CILK1: variants seen among roughly 807,000 people sequenced by gnomAD.
CILK1 encodes ciliogenesis associated kinase 1.
CILK1 carries 47 observed loss-of-function variants against 79.2 expected under a neutral mutation model. The ratio of observed to expected loss-of-function variants is 0.59; its 90% CI spans 0.47 to 0.76. The LOEUF is 0.76. Among genes scored for constraint, CILK1 ranks in the 30% least tolerant of loss-of-function variants. The pLI is 0.00. For synonymous variants in CILK1, 266 were observed against 275.9 expected, an observed-to-expected ratio of 0.96 and a Z score of 0.36; for missense variants, 660 against 769.5, an observed-to-expected ratio of 0.86 and a Z score of 1.68.
intron 12 of CILK1, 94 bp downstream of exon 12, chr6:53,009,345 G>A (rs1764422241): frequency 8.2e-7 from 1 of 1,215,598 alleles, no homozygotes; most frequent in African/African-American, 1.5e-5. Context: ...AGGCCCCTGT[G>A]CTTCCAAAGC....
rs1202734703 is a variant in CILK1 at position 53,009,469 on chromosome 6, T to C, written c.1591A>G (p.Thr531Ala). The C allele has an allele frequency of 6.2e-7, 1 of 1,614,096 alleles. No homozygotes were observed. The highest frequency in any genetic ancestry group is 8.5e-7 in the Non-Finnish European group (1 of 1,179,930). Reference protein sequence around the residue: ...SSGLSGKSSGTMSVISKVNSV... With the variant: ...SSGLSGKSSGAMSVISKVNSV... ...TTTACTTTGCTGATTACTGACATTGTCCCTGAAGATTTTCCAGACAAGCCA... is the reference window on the plus strand; with the variant it reads ...TTTACTTTGCTGATTACTGACATTGCCCCTGAAGATTTTCCAGACAAGCCA... The change falls in exon 12 of 14, where the codon ACA becomes GCA. Residue 531 changes from threonine to alanine, a missense_variant. By Grantham distance (58) the Thr-to-Ala change is moderately conservative. Coordinates refer to ENST00000676107, the MANE Select transcript of CILK1 (RefSeq NM_014920.5).
At chr6:53,061,016 T>C (rs1768402476) in intron 1 of CILK1, 1 of 152,234 alleles carries the variant, frequency 6.6e-6, no homozygotes, top group Non-Finnish European at 1.5e-5. Context: ...GCAGGTCTTA[T>C]TTAGTTGTAA....
intron 5 of CILK1, among the ~76,000 whole-genome samples, chr6:53,020,060 C>A (rs1485715691): frequency 6.6e-6 from 1 of 152,100 alleles, no homozygotes; most frequent in Non-Finnish European, 1.5e-5. Flanking sequence ...ATGAATATGA[C>A]CTACTCATAT....
chr6:53,036,241 G>A (rs1428236813), intron 3 of CILK1, among the ~76,000 whole-genome samples: 1 of 152,192 alleles, frequency 6.6e-6, no homozygotes, highest in Non-Finnish European at 1.5e-5. Flanking sequence ...TCATGTCACA[G>A]AGAAAATGTC....
At position 53,012,181 on chromosome 6, in the gene CILK1, T is replaced by G. The variant is rs1764613149; in HGVS notation, c.1199A>C (p.Lys400Thr). Residue 400 changes from lysine to threonine, a missense_variant, in exon 10 of 14, where the codon AAG becomes ACG. Physicochemically the swap from Lys to Thr is moderately conservative, Grantham distance 78. Transcript: ENST00000676107. ...AATAAGACCCCACCTTCTCCTACTC[T>G]TTGGCTTTATCTCACCATTTTTGTG... ...LEHKNGEIKP[K>T]SRRRWGLISR... The G allele has an allele frequency of 6.2e-7, 1 of 1,614,072 alleles. No homozygotes were observed.
intron 6 of CILK1, 86 bp from the exon 7 acceptor site, chr6:53,018,587 G>GTATA: frequency 7.6e-7 from 1 of 1,311,908 alleles, no homozygotes; most frequent in Non-Finnish European, 1.1e-6. Flanking sequence ...GTGAGGGGGT[G>GTATA]TATATGTTCC....
At chr6:53,060,232 T>TA (rs1257800926) in intron 1 of CILK1, among the ~76,000 whole-genome samples, 2 of 152,208 alleles carry the variant, frequency 1.3e-5, no homozygotes, top group Non-Finnish European at 2.9e-5. Flanking sequence ...CATTTACACT[T>TA]AGTCTGTGGA....
intron 7 of CILK1, among the ~76,000 whole-genome samples, 191 bp downstream of exon 7, chr6:53,018,138 CA>C (rs1421665043): frequency 6.6e-6 from 1 of 152,144 alleles, no homozygotes; most frequent in Non-Finnish European, 1.5e-5. Context: ...TGACAGATGT[CA>C]TACTTAAGAA....
At chr6:53,061,124 T>C (rs930479707) in intron 1 of CILK1, 11 of 152,232 alleles carry the variant, frequency 7.2e-5, no homozygotes, top group Non-Finnish European at 2.9e-5. Context: ...AAGGTTAACA[T>C]TACAAAAGAA....
intron 8 of CILK1, among the ~76,000 whole-genome samples, chr6:53,015,659 T>G (rs1258030194): frequency 6.6e-6 from 1 of 152,244 alleles, no homozygotes; most frequent in Non-Finnish European, 1.5e-5. Flanking sequence ...CCTAGGTCTA[T>G]CTCATCTGTC....
intron 2 of CILK1, 97 bp from the exon 3 acceptor site, chr6:53,038,090 G>C: frequency 2.5e-6 from 2 of 795,278 alleles, no homozygotes; most frequent in Non-Finnish European, 4.4e-6. Context: ...CTAATTAACA[G>C]TACTTAAAGT....
chr6:53,050,879 A>G (rs573059554), intron 1 of CILK1, among the ~76,000 whole-genome samples: 10 of 152,354 alleles, frequency 6.6e-5, no homozygotes, highest in Non-Finnish European at 1.3e-4. Context: ...CATTTTTGAT[A>G]TACAGCAATA....
chr6:53,055,732 C>G (rs1009021873), intron 1 of CILK1, among the ~76,000 whole-genome samples: 3 of 152,178 alleles, frequency 2.0e-5, no homozygotes, highest in African/African-American at 7.2e-5. Context: ...TGTCGCTTCT[C>G]TTACAATATA....
chr6:53,017,769 C>T lies in CILK1; in HGVS notation c.663+561G>A, dbSNP rs186472884. On this transcript the variant is annotated intron_variant, in intron 7 of 13. Coordinates refer to ENST00000676107, the MANE Select transcript of CILK1 (RefSeq NM_014920.5). ...GCAATATTCAACAGGATTTACCCAC[C>T]AACCGCTTAGATGAAGGGAAAGGGG... Among the ~76,000 whole-genome samples, 16 of 152,238 alleles carry T rather than the reference C, an allele frequency of 1.1e-4. No individual in the cohort carries two copies. The East Asian group carries it at 1.9e-3, about 18-fold the overall frequency.
intron 1 of CILK1, among the ~76,000 whole-genome samples, chr6:53,043,768 G>C (rs1190283793): frequency 6.6e-6 from 1 of 152,108 alleles, no homozygotes; most frequent in Non-Finnish European, 1.5e-5. Context: ...GTGGATGGGA[G>C]GGGGGAAGCA....
chr6:53,023,389 C>T (rs1449676734), intron 5 of CILK1, among the ~76,000 whole-genome samples: 1 of 152,128 alleles, frequency 6.6e-6, no homozygotes, highest in Middle Eastern at 3.2e-3. Flanking sequence ...CATTAAACAG[C>T]TTAATGTTAA....
Position 53,037,888 on chromosome 6 carries a change from C to T in CILK1, c.156+51G>A, listed in dbSNP as rs770914642. Reference sequence around the variant, plus strand: ...TATCAACTATAAATCTAAGCATGTACAAAGCTATTTTAATCATCCATAAAT... The same window carrying T: ...TATCAACTATAAATCTAAGCATGTATAAAGCTATTTTAATCATCCATAAAT... On this transcript the variant is annotated intron_variant, in intron 3 of 13. Coordinates refer to ENST00000676107, the MANE Select transcript of CILK1 (RefSeq NM_014920.5). 6 of 1,096,910 alleles carry T rather than the reference C, an allele frequency of 5.5e-6. No individual in the cohort carries two copies. The Admixed American group carries it at 1.1e-4, about 19-fold the overall frequency. The allele number at this position is 1,096,910 out of a possible 1,614,324, so 67.9% of individuals were successfully genotyped here.
intron 11 of CILK1, 52 bp from the exon 12 acceptor site, chr6:53,009,619 C>A (rs758622877): frequency 6.9e-7 from 1 of 1,444,170 alleles, no homozygotes; most frequent in Non-Finnish European, 9.7e-7. Context: ...GAATCTTACA[C>A]TAGACTACAA....
chr6:53,051,346 G>C (rs181244276), intron 1 of CILK1, among the ~76,000 whole-genome samples: 1 of 152,120 alleles, frequency 6.6e-6, no homozygotes, highest in African/African-American at 2.4e-5. Context: ...CACAAAGTTG[G>C]TGGCTGAAAA....
Sources: gnomAD v4.1 joint callset for allele counts (sites outside exome capture counted in the v4.1 genomes callset) on GRCh38, gnomAD v4.1.1 for gene constraint, MANE v1.5 for transcripts, NCBI Gene and HGNC (gene_info 2026-07-23, HGNC 2026-07-21) for gene names.